The following KIF16B variants were observed in gnomAD, a reference collection of about 807,000 sequenced individuals.
KIF16B encodes the protein kinesin-like protein KIF16B.
A neutral mutation model predicts 156.3 loss-of-function variants in KIF16B; 98 were observed. That is an observed-to-expected ratio of 0.63 (90% CI 0.53 to 0.74). The LOEUF is 0.74. Among genes scored for constraint, KIF16B ranks in the 30% least tolerant of loss-of-function variants. KIF16B has a pLI of 0.00. For missense variants in KIF16B, 1,421 were observed against 1,606.5 expected, an observed-to-expected ratio of 0.88 and a Z score of 1.97; for synonymous variants, 564 against 583.7, an observed-to-expected ratio of 0.97 and a Z score of 0.49.
intron 16 of KIF16B, among the ~76,000 whole-genome samples, chr20:16,405,631 A>G (rs1423709504): frequency 1.3e-5 from 2 of 152,036 alleles, no homozygotes; most frequent in Admixed American, 1.3e-4. Context: ...AAAGCTCCCC[A>G]TTTGCCGGCT....
chr20:16,410,187 A>G (rs1412987146), intron 15 of KIF16B, among the ~76,000 whole-genome samples: 4 of 145,668 alleles, frequency 2.7e-5, no homozygotes, highest in African/African-American at 1.0e-4. Context: ...ATATGTAGGT[A>G]CATATACATA....
chr20:16,333,237 G>A (rs2063980147), intron 24 of KIF16B, among the ~76,000 whole-genome samples: 3 of 151,944 alleles, frequency 2.0e-5, no homozygotes, highest in Non-Finnish European at 4.4e-5. Context: ...AGATTTTCAC[G>A]GCTGGCTCTT....
chr20:16,344,369 T>C (rs1007048005), intron 23 of KIF16B, among the ~76,000 whole-genome samples: 2 of 152,166 alleles, frequency 1.3e-5, no homozygotes, highest in Non-Finnish European at 2.9e-5. Flanking sequence ...TCCCCAAATC[T>C]TTCTGAGGAC....
At position 16,273,154 on chromosome 20, in the gene KIF16B, G is replaced by T; in HGVS notation, c.*99C>A. The T allele has an allele frequency of 9.9e-7, 1 of 1,007,542 alleles. No homozygotes were observed. Among genetic ancestry groups the T allele is most frequent in the Non-Finnish European group, 1.5e-6 (1 of 651,648 alleles). The allele number at this position is 1,007,542 out of a possible 1,614,324, so 62.4% of individuals were successfully genotyped here. On this transcript the variant is annotated 3_prime_UTR_variant, in exon 26 of 26. Transcript: ENST00000354981. Reference sequence around the variant, plus strand: ...TGCTGCATGTCTGTCTTCAGCAGGAGGAGGCAGACCCGGATCCTCGCATGG... The same window carrying T: ...TGCTGCATGTCTGTCTTCAGCAGGATGAGGCAGACCCGGATCCTCGCATGG...
intron 1 of KIF16B, among the ~76,000 whole-genome samples, chr20:16,560,343 T>C (rs544670740): frequency 3.3e-5 from 5 of 152,350 alleles, no homozygotes; most frequent in Admixed American, 1.3e-4. Context: ...TCTGAGGAAG[T>C]TCACACAGTG....
intron 23 of KIF16B, among the ~76,000 whole-genome samples, chr20:16,342,420 C>T (rs942898619): frequency 1.3e-4 from 20 of 152,174 alleles, no homozygotes; most frequent in Admixed American, 1.0e-3. Flanking sequence ...ACATACTTGC[C>T]ATTATTTTAC....
At position 16,539,508 on chromosome 20, in the gene KIF16B, A is replaced by T. The variant is rs535913535; in HGVS notation, c.48-11068T>A. Among the ~76,000 whole-genome samples the T allele has an allele frequency of 5.9e-5, 9 of 152,280 alleles. No individual in the cohort carries two copies. The South Asian group carries it at 1.7e-3, about 28-fold the overall frequency. On this transcript the variant is annotated intron_variant, in intron 1 of 25. Transcript: ENST00000354981. The stretch of plus-strand genomic sequence containing the variant: ...TGGCAGAGAAAATTTCTAAGCAGTG[A>T]GTAACTTCTCGTGAGATCTGGCTGT...
intron 15 of KIF16B, among the ~76,000 whole-genome samples, chr20:16,412,130 G>A (rs1345104497): frequency 6.6e-6 from 1 of 151,958 alleles, no homozygotes; most frequent in Non-Finnish European, 1.5e-5. Flanking sequence ...ACAGAGAAGA[G>A]ACCATGAGAG....
At chr20:16,335,624 T>C (rs1041733259) in intron 24 of KIF16B, among the ~76,000 whole-genome samples, 2 of 152,242 alleles carry the variant, frequency 1.3e-5, no homozygotes, top group Admixed American at 6.5e-5. Flanking sequence ...GATTAAAATA[T>C]GTATTTAAAA....
chr20:16,427,186 C>T lies in KIF16B; in HGVS notation c.1530G>A (p.Gly510=), dbSNP rs746266605. The T allele has an allele frequency of 4.3e-6, 7 of 1,612,372 alleles. No individual in the cohort carries two copies. The highest frequency in any genetic ancestry group is 5.9e-6 in the Non-Finnish European group (7 of 1,178,836). Residue 510 remains glycine, a synonymous_variant, in exon 15 of 26, where the codon GGG becomes GGA. Coordinates refer to ENST00000354981, the MANE Select transcript of KIF16B (RefSeq NM_024704.5). ...CACTCAGGGGTATCAGAGTCACTGT[C>T]CCCCCGATATTTTCAAAGATGCAAT... The part of the protein sequence containing the change: ...SEHCIFENIG[G]TVTLIPLSGS...
chr20:16,299,379 G>C (rs1435519489), intron 25 of KIF16B, among the ~76,000 whole-genome samples: 1 of 152,098 alleles, frequency 6.6e-6, no homozygotes, highest in Non-Finnish European at 1.5e-5. Context: ...GAAAACACAG[G>C]CCATTAGTTT....
chr20:16,367,404 TA>T, intron 22 of KIF16B: 1 of 1,612,888 alleles, frequency 6.2e-7, no homozygotes, highest in Non-Finnish European at 8.5e-7. Context: ...TGAATTCACT[TA>T]AAGCATGGCA....
intron 12 of KIF16B, among the ~76,000 whole-genome samples, chr20:16,470,858 CAA>C (rs1329985592): frequency 6.6e-6 from 1 of 151,260 alleles, no homozygotes; most frequent in African/African-American, 2.4e-5. Context: ...TTTTTTTAAG[CAA>C]AAGTTAAACA....
intron 1 of KIF16B, among the ~76,000 whole-genome samples, chr20:16,549,811 T>C (rs2070570258): frequency 8.1e-6 from 1 of 123,746 alleles, no homozygotes; most frequent in Non-Finnish European, 1.7e-5. Flanking sequence ...AAGCTGAAAC[T>C]GGATCCCTTC....
intron 24 of KIF16B, among the ~76,000 whole-genome samples, chr20:16,331,147 T>C (rs1416817055): frequency 1.3e-5 from 2 of 152,228 alleles, no homozygotes; most frequent in African/African-American, 4.8e-5. Flanking sequence ...CTGGTGAGTG[T>C]TGCAAATCAT....
intron 12 of KIF16B, among the ~76,000 whole-genome samples, chr20:16,440,529 G>A (rs1472556831): frequency 7.3e-5 from 6 of 81,812 alleles, no homozygotes; most frequent in African/African-American, 2.1e-4. Context: ...ACACACAAGC[G>A]CGCGCACACA....
intron 18 of KIF16B, among the ~76,000 whole-genome samples, chr20:16,380,993 G>A (rs2065079776): frequency 6.6e-6 from 1 of 152,126 alleles, no homozygotes; most frequent in Admixed American, 6.5e-5. Flanking sequence ...TTAAACTCCA[G>A]GTCCTACTAA....
chr20:16,326,678 G>A (rs2063856084), intron 24 of KIF16B, among the ~76,000 whole-genome samples: 1 of 151,940 alleles, frequency 6.6e-6, no homozygotes. Context: ...AATAAAAGAT[G>A]TTGGCATGGA....
At chr20:16,555,451 T>C (rs1249144333) in intron 1 of KIF16B, among the ~76,000 whole-genome samples, 1 of 152,128 alleles carries the variant, frequency 6.6e-6, no homozygotes, top group Non-Finnish European at 1.5e-5. Context: ...GATGCAAAAG[T>C]TCGGGATTAT....
Sources: allele counts gnomAD v4.1 joint callset (sites outside exome capture counted in the v4.1 genomes callset), GRCh38; gene constraint gnomAD v4.1.1; transcripts MANE v1.5; gene names NCBI Gene and HGNC (gene_info 2026-07-23, HGNC 2026-07-21).